Variants in GRIN2A observed in about 807,000 individuals in gnomAD.
GRIN2A encodes the protein glutamate receptor ionotropic, NMDA 2A.
A neutral mutation model predicts 113.4 loss-of-function variants in GRIN2A; 22 were observed. The observed-to-expected ratio is 0.19, with a 90% CI of 0.14 to 0.28. The LOEUF (loss-of-function observed/expected upper bound fraction) is 0.28, where lower values mean the gene tolerates loss of function less well. GRIN2A is among the 10% of genes least tolerant of loss of function. The pLI, the probability that GRIN2A is intolerant of heterozygous loss-of-function variation, is 1.00. For synonymous variants in GRIN2A, 827 were observed against 738.4 expected (o/e 1.12, Z -1.94); for missense variants, 1,502 against 1,887.0 (o/e 0.80, Z 3.78).
Position 9,893,710 on chromosome 16 carries a change from G to A in GRIN2A, c.1008-2610C>T, listed in dbSNP as rs186439366. 7.0e-3 allele frequency among the ~76,000 whole-genome samples: 1,067 copies of A among 152,118 alleles called. 12 individuals are homozygous for A. The highest frequency in any genetic ancestry group is 0.024 in the African/African-American group (1,011 of 41,512). On this transcript the variant is annotated intron_variant, in intron 3 of 12. Transcript: ENST00000330684. ...CCGAACTCCTGACCTCAGGTGATCC[G>A]CCTGCCTCTGGCTCCCAAAGTGCTG...
chr16:10,003,969 G>C (rs2046364024), intron 2 of GRIN2A, among the ~76,000 whole-genome samples: 1 of 152,058 alleles, frequency 6.6e-6, no homozygotes, highest in Admixed American at 6.6e-5. Flanking sequence ...AAGAAATCTT[G>C]GAAAAGGGTA....
At chr16:9,855,382 G>C (rs969432130) in intron 4 of GRIN2A, among the ~76,000 whole-genome samples, 1 of 152,172 alleles carries the variant, frequency 6.6e-6, no homozygotes, top group Admixed American at 6.5e-5. Flanking sequence ...TCCATACGTG[G>C]AACTATTATC....
intron 2 of GRIN2A, among the ~76,000 whole-genome samples, chr16:9,944,542 G>A (rs1351211886): frequency 6.6e-6 from 1 of 152,072 alleles, no homozygotes; most frequent in African/African-American, 2.4e-5. Flanking sequence ...CCAATATGTA[G>A]CTCTATATAG....
chr16:9,830,537 C>T (rs537287003), intron 8 of GRIN2A, among the ~76,000 whole-genome samples: 1 of 151,600 alleles, frequency 6.6e-6, no homozygotes, highest in Non-Finnish European at 1.5e-5. Context: ...GAAGGTTTCC[C>T]TTTAACAGGA....
At chr16:10,099,767 A>G (rs998230329) in intron 2 of GRIN2A, among the ~76,000 whole-genome samples, 1 of 152,176 alleles carries the variant, frequency 6.6e-6, no homozygotes, top group East Asian at 1.9e-4. Context: ...TCCCAAATAG[A>G]AGGAACTCTG....
At chr16:9,991,153 G>A (rs1047245399) in intron 2 of GRIN2A, among the ~76,000 whole-genome samples, 1 of 152,184 alleles carries the variant, frequency 6.6e-6, no homozygotes, top group Admixed American at 6.5e-5. Context: ...CAAATGCCTG[G>A]TATTTCTTAA....
rs2043157468 is a variant in GRIN2A at position 9,866,178 on chromosome 16, C to T, written c.1123-16217G>A. Among the ~76,000 whole-genome samples the T allele has an allele frequency of 2.0e-5, 3 of 152,102 alleles. No homozygotes were observed. In the South Asian group the frequency reaches 6.2e-4, roughly 32 times the overall value. ...CCTCTGAATTAATCATACAATAAAA[C>T]AGAAAATGCTAACAGCCAAAGGGTG... On this transcript the variant is annotated intron_variant, in intron 4 of 12. Transcript: ENST00000330684.
intron 2 of GRIN2A, among the ~76,000 whole-genome samples, chr16:10,119,181 G>GAAA (rs146069605): frequency 7.6e-4 from 115 of 151,932 alleles, no homozygotes; most frequent in African/African-American, 2.2e-3. Flanking sequence ...GAAGCTAAGG[G>GAAA]AAAAAAAGCC....
intron 7 of GRIN2A, among the ~76,000 whole-genome samples, chr16:9,838,435 G>C (rs1295553381): frequency 6.6e-6 from 1 of 152,116 alleles, no homozygotes; most frequent in Non-Finnish European, 1.5e-5. Context: ...AGAAAATGTG[G>C]TATATATACA....
chr16:10,088,083 C>T (rs1366005651), intron 2 of GRIN2A, among the ~76,000 whole-genome samples: 1 of 151,996 alleles, frequency 6.6e-6, no homozygotes, highest in Non-Finnish European at 1.5e-5. Flanking sequence ...ACATCCCATA[C>T]CTTGTTGAAA....
chr16:9,927,935 C>T (rs1045279393), intron 3 of GRIN2A, among the ~76,000 whole-genome samples: 4 of 152,176 alleles, frequency 2.6e-5, no homozygotes, highest in Non-Finnish European at 1.5e-5. Context: ...TTGGCCAGGA[C>T]TTAACCAAAT....
At chr16:9,812,907 A>G (rs537564189) in intron 10 of GRIN2A, among the ~76,000 whole-genome samples, 1 of 152,328 alleles carries the variant, frequency 6.6e-6, no homozygotes, top group African/African-American at 2.4e-5. Flanking sequence ...AAGAAGAATC[A>G]TGCATTAAGC....
At chr16:10,020,825 C>A (rs768014984) in intron 2 of GRIN2A, among the ~76,000 whole-genome samples, 7 of 152,112 alleles carry the variant, frequency 4.6e-5, no homozygotes, top group Non-Finnish European at 7.4e-5. Context: ...CATTGCTACT[C>A]CCCTGCCAGG....
chr16:9,865,983 C>A (rs916965816), intron 4 of GRIN2A, among the ~76,000 whole-genome samples: 1 of 152,202 alleles, frequency 6.6e-6, no homozygotes, highest in Non-Finnish European at 1.5e-5. Flanking sequence ...CTTGCCTTTG[C>A]ACTAAAAATG....
rs1305449994 is a variant in GRIN2A at position 9,840,678 on chromosome 16, A to G, written c.1620T>C (p.Ser540=). The G allele has an allele frequency of 1.2e-6, 2 of 1,613,822 alleles. No homozygotes were observed. The highest frequency in any genetic ancestry group is 1.3e-5 in the African/African-American group (1 of 75,012). The change falls in exon 7 of 13, where the codon AGT becomes AGC. Residue 540 remains serine (S), a synonymous_variant. Transcript: ENST00000330684. ...AAGCAGAAGGTGAGACGGTGCCATT[A>G]CTTCTTGAAACCATGACACTGATTC... is the stretch of plus-strand genomic sequence containing the variant. ...ETGISVMVSR[S]NGTVSPSAFL... is the part of the protein sequence containing the mutation.
intron 2 of GRIN2A, among the ~76,000 whole-genome samples, chr16:10,085,168 T>A (rs1263386346): frequency 1.3e-5 from 2 of 152,120 alleles, no homozygotes; most frequent in East Asian, 3.9e-4. Flanking sequence ...GGTTCATGCA[T>A]CTAGAAAGGA....
intron 5 of GRIN2A, among the ~76,000 whole-genome samples, chr16:9,844,714 A>G (rs1298497590): frequency 1.3e-5 from 2 of 152,188 alleles, no homozygotes; most frequent in African/African-American, 4.8e-5. Flanking sequence ...CACCACGCAG[A>G]CTCAGACAAA....
chr16:9,886,525 C>G (rs970278225), intron 4 of GRIN2A, among the ~76,000 whole-genome samples: 2 of 152,166 alleles, frequency 1.3e-5, no homozygotes, highest in Non-Finnish European at 2.9e-5. Context: ...GATGCTAACA[C>G]TTTCCTTAAG....
intron 2 of GRIN2A, among the ~76,000 whole-genome samples, chr16:10,017,545 C>G (rs888398011): frequency 2.6e-5 from 4 of 152,152 alleles, no homozygotes; most frequent in African/African-American, 9.7e-5. Flanking sequence ...TCTCTAAGTG[C>G]TCTGAGAAAT....
Sources: gnomAD v4.1 joint callset for allele counts (sites outside exome capture counted in the v4.1 genomes callset) on GRCh38, gnomAD v4.1.1 for gene constraint, MANE v1.5 for transcripts, NCBI Gene and HGNC (gene_info 2026-07-23, HGNC 2026-07-21) for gene names.